SPTLC3: variants seen among roughly 807,000 people sequenced by gnomAD.
SPTLC3 encodes serine palmitoyltransferase long chain base subunit 3.
A neutral mutation model predicts 59.3 loss-of-function variants in SPTLC3; 36 were observed. The observed-to-expected ratio is 0.61, with a 90% CI of 0.47 to 0.80. SPTLC3 has a LOEUF of 0.80. SPTLC3 is among the 30% of genes least tolerant of loss of function. The probability of loss-of-function intolerance (pLI) is 0.00; values close to 1 mark genes in which losing one functional copy is unlikely to be tolerated. For synonymous variants in SPTLC3, 257 were observed against 240.8 expected (o/e 1.07, Z -0.62); for missense variants, 625 against 685.1 (o/e 0.91, Z 0.98).
intron 9 of SPTLC3, among the ~76,000 whole-genome samples, chr20:13,137,075 C>T (rs1476701419): frequency 1.3e-5 from 2 of 151,956 alleles, no homozygotes; most frequent in Non-Finnish European, 2.9e-5. Context: ...AGAGCTAAGT[C>T]CCCCAATCAT....
At chr20:13,018,760 A>C (rs151214461) in intron 1 of SPTLC3, among the ~76,000 whole-genome samples, 108 of 152,332 alleles carry the variant, frequency 7.1e-4, no homozygotes, top group African/African-American at 2.5e-3. Context: ...GAAGTCAACT[A>C]TGCTGATTTT....
intron 4 of SPTLC3, among the ~76,000 whole-genome samples, chr20:13,085,597 C>T (rs755957018): frequency 7.9e-5 from 12 of 152,118 alleles, no homozygotes; most frequent in Admixed American, 2.0e-4. Flanking sequence ...ATAGTCTTCA[C>T]GTGGGCTACA....
chr20:13,028,758 C>G (rs1986283332), intron 1 of SPTLC3, among the ~76,000 whole-genome samples: 1 of 152,152 alleles, frequency 6.6e-6, no homozygotes, highest in Non-Finnish European at 1.5e-5. Context: ...AAGCCAACAA[C>G]AGTAACTAGC....
intron 4 of SPTLC3, among the ~76,000 whole-genome samples, chr20:13,077,648 G>A (rs6109686): frequency 0.19 from 28,889 of 152,044 alleles, 2,917 homozygotes; most frequent in East Asian, 0.28. Context: ...TACTAAGCAG[G>A]AAAGATGAAA....
chr20:13,021,108 A>G (rs899112372), intron 1 of SPTLC3, among the ~76,000 whole-genome samples: 2 of 152,200 alleles, frequency 1.3e-5, no homozygotes, highest in Non-Finnish European at 2.9e-5. Flanking sequence ...TGTCTGCAGC[A>G]TTAGTGAAAA....
At chr20:13,046,482 G>T (rs1490165682) in intron 1 of SPTLC3, among the ~76,000 whole-genome samples, 9 of 152,126 alleles carry the variant, frequency 5.9e-5, no homozygotes. Context: ...CTAATCAGTA[G>T]AAGTTCCAAC....
intron 1 of SPTLC3, among the ~76,000 whole-genome samples, chr20:13,020,361 A>C (rs541773376): frequency 4.7e-5 from 7 of 149,182 alleles, no homozygotes; most frequent in Admixed American, 4.7e-4. Context: ...AAAAAAAAAG[A>C]AAAAAAAGAA....
intron 2 of SPTLC3, among the ~76,000 whole-genome samples, chr20:13,058,040 T>C (rs972546785): frequency 6.6e-6 from 1 of 152,198 alleles, no homozygotes; most frequent in Non-Finnish European, 1.5e-5. Flanking sequence ...GGTAATTCTG[T>C]GTTCACATTA....
chr20:13,115,696 A>G (rs2087977217), intron 7 of SPTLC3, among the ~76,000 whole-genome samples: 1 of 152,134 alleles, frequency 6.6e-6, no homozygotes, highest in African/African-American at 2.4e-5. Flanking sequence ...AAGGGCTCCC[A>G]CTTTCCCAAG....
chr20:13,014,543 A>G (rs1007577875), intron 1 of SPTLC3, among the ~76,000 whole-genome samples: 1 of 152,212 alleles, frequency 6.6e-6, no homozygotes, highest in African/African-American at 2.4e-5. Flanking sequence ...GTGGGAAAAG[A>G]TTGTAAAATG....
intron 11 of SPTLC3, among the ~76,000 whole-genome samples, chr20:13,163,443 C>A (rs940428913): frequency 2.0e-5 from 3 of 151,722 alleles, no homozygotes; most frequent in African/African-American, 7.3e-5. Context: ...CTCACAGATG[C>A]CCCAAATGTG....
intron 6 of SPTLC3, among the ~76,000 whole-genome samples, chr20:13,101,436 T>C (rs892952867): frequency 6.6e-6 from 1 of 152,218 alleles, no homozygotes; most frequent in African/African-American, 2.4e-5. Flanking sequence ...ATCCTGTTAG[T>C]AGCCTCAATT....
At position 13,064,280 on chromosome 20, in the gene SPTLC3, TTTTG is replaced by T. The variant is rs1175615544; in HGVS notation, c.304-7972_304-7969del. ...TTTTCTTTTTCCTTTTCTTTTTTTT[TTTTG>T]TTTTGTTTTTGTTTTTGTTTTTGTT... On this transcript the variant is annotated intron_variant, in intron 2 of 11. Transcript: ENST00000399002. 9.0e-4 allele frequency among the ~76,000 whole-genome samples: 47 copies of T among 52,230 alleles called. 2 individuals carry two copies. In the South Asian group the frequency reaches 0.017, roughly 19 times the overall value. 34.3% of individuals were successfully genotyped at this position (52,230 alleles called of 152,430 possible). A position where few individuals can be genotyped will look rare whatever the true frequency, so the allele number is the denominator to read the frequency against.
At chr20:13,072,176 G>A in intron 2 of SPTLC3, 80 bp from the exon 3 acceptor site, 1 of 1,455,988 alleles carries the variant, frequency 6.9e-7, no homozygotes, top group Non-Finnish European at 9.3e-7. Flanking sequence ...AGCTCTTCCA[G>A]GTCTTCTTCC....
chr20:13,060,291 A>G (rs967430749), intron 2 of SPTLC3, among the ~76,000 whole-genome samples: 2 of 152,152 alleles, frequency 1.3e-5, no homozygotes, highest in Non-Finnish European at 2.9e-5. Context: ...TTTGGGTGCA[A>G]GAGTACATCT....
intron 2 of SPTLC3, among the ~76,000 whole-genome samples, chr20:13,071,243 T>G (rs1349017929): frequency 6.6e-6 from 1 of 152,218 alleles, no homozygotes; most frequent in East Asian, 1.9e-4. Context: ...ATATCAACTT[T>G]GAAAACAAAA....
chr20:13,163,465 C>A (rs1331384649), intron 11 of SPTLC3, among the ~76,000 whole-genome samples: 1 of 151,744 alleles, frequency 6.6e-6, no homozygotes, highest in Non-Finnish European at 1.5e-5. Context: ...AGATCCTTCA[C>A]TTTGGATACC....
chr20:13,138,231 A>C (rs1215023388), intron 9 of SPTLC3, among the ~76,000 whole-genome samples: 1 of 152,202 alleles, frequency 6.6e-6, no homozygotes, highest in Non-Finnish European at 1.5e-5. Flanking sequence ...CCCAAACTGA[A>C]GTAGTACATG....
intron 6 of SPTLC3, among the ~76,000 whole-genome samples, chr20:13,108,215 C>G (rs1990015279): frequency 6.6e-6 from 1 of 152,122 alleles, no homozygotes; most frequent in East Asian, 1.9e-4. Context: ...AGGAAGTCAC[C>G]TTTATTTAAA....
Sources: allele counts gnomAD v4.1 joint callset (sites outside exome capture counted in the v4.1 genomes callset), GRCh38; gene constraint gnomAD v4.1.1; transcripts MANE v1.5; gene names NCBI Gene and HGNC (gene_info 2026-07-23, HGNC 2026-07-21).